Variants in SPOCK3 observed in about 807,000 individuals in gnomAD.
SPOCK3 encodes the protein testican-3.
A neutral mutation model predicts 56.6 loss-of-function variants in SPOCK3; 30 were observed. The observed-to-expected ratio is 0.53, with a 90% confidence interval of 0.40 to 0.72. The LOEUF (loss-of-function observed/expected upper bound fraction) is 0.72, where lower values mean the gene tolerates loss of function less well. Ranked by LOEUF, SPOCK3 falls within the 30% of genes least tolerant of loss-of-function variation. The pLI is 0.00. For synonymous variants in SPOCK3, 196 were observed against 183.3 expected (o/e 1.07, Z -0.56); for missense variants, 527 against 530.0 (o/e 0.99, Z 0.06).
chr4:167,001,153 G>A lies in SPOCK3; in HGVS notation c.236-690C>T, dbSNP rs144020400. ...GTAATTCACATACTACACAATTTGG[G>A]CAGTTAAGTTTACAACCAATATTTT... On this transcript the variant is annotated intron_variant, in intron 3 of 10. Coordinates refer to ENST00000357545, the MANE Select transcript of SPOCK3 (RefSeq NM_001040159.2). Among the ~76,000 whole-genome samples the A allele has an allele frequency of 2.1e-4, 32 of 152,110 alleles. 3 individuals are homozygous for A. The East Asian group carries it at 6.0e-3, about 28-fold the overall frequency.
At chr4:166,985,263 A>G (rs1307980685) in intron 4 of SPOCK3, among the ~76,000 whole-genome samples, 1 of 152,152 alleles carries the variant, frequency 6.6e-6, no homozygotes, top group Non-Finnish European at 1.5e-5. Context: ...CAGAATAGAA[A>G]TGTCTTTTCA....
intron 4 of SPOCK3, among the ~76,000 whole-genome samples, chr4:166,953,676 G>C (rs1258247038): frequency 6.6e-6 from 1 of 152,150 alleles, no homozygotes; most frequent in Non-Finnish European, 1.5e-5. Flanking sequence ...GAAAGACTTG[G>C]AACCAACCCA....
At chr4:166,936,359 T>C (rs994242180) in intron 4 of SPOCK3, among the ~76,000 whole-genome samples, 2 of 152,138 alleles carry the variant, frequency 1.3e-5, no homozygotes, top group Admixed American at 6.5e-5. Flanking sequence ...GAAGTATGTA[T>C]ACAATATTTG....
chr4:166,917,236 T>C (rs1045341209), intron 4 of SPOCK3, among the ~76,000 whole-genome samples: 2 of 152,218 alleles, frequency 1.3e-5, no homozygotes, highest in East Asian at 1.9e-4. Context: ...AATATTTTTC[T>C]TAAACCTTGT....
chr4:166,741,304 T>C (rs1404162068), intron 9 of SPOCK3, among the ~76,000 whole-genome samples: 2 of 152,228 alleles, frequency 1.3e-5, no homozygotes, highest in Non-Finnish European at 2.9e-5. Flanking sequence ...ATTTGGCACA[T>C]GCAAGACGTT....
At position 166,754,629 on chromosome 4, in the gene SPOCK3, G is replaced by T; in HGVS notation, c.810C>A (p.Leu270=). The change falls in exon 8 of 11, where the codon CTC becomes CTA. Residue 270 remains leucine, a synonymous_variant. Coordinates refer to ENST00000357545, the MANE Select transcript of SPOCK3 (RefSeq NM_001040159.2). ...CATTCTTATCAAGGTAAATGCTTCT[G>T]AGCTCTGACTGGTCCAATAGCAGGT... ...NYDLLLDQSE[L]RSIYLDKNEQ... is the part of the protein sequence containing the mutation. 6.2e-7 allele frequency: 1 copy of T among 1,613,724 alleles called. No individual in the cohort carries two copies. Among genetic ancestry groups the T allele is most frequent in the Non-Finnish European group, 8.5e-7 (1 of 1,179,794 alleles).
rs2111196663 is a variant in SPOCK3, at chr4:167,234,092, C to T, written c.82G>A (p.Ala28Thr). 6.2e-7 allele frequency: 1 copy of T among 1,613,926 alleles called. No homozygotes were observed. Among genetic ancestry groups the T allele is most frequent in the East Asian group, 2.2e-5 (1 of 44,848 alleles). The change falls in exon 2 of 11, where the codon GCA (alanine) becomes ACA (threonine). Residue 28 changes from alanine to threonine, a missense_variant. By Grantham distance (58) the Ala-to-Thr change is moderately conservative. Coordinates refer to ENST00000357545, the MANE Select transcript of SPOCK3 (RefSeq NM_001040159.2). ...QSLAAAAAVA[A>T]AGGRSDGGNF... is the part of the protein sequence containing the mutation. The stretch of plus-strand genomic sequence containing the variant: ...CCGCCGTCCGACCGCCCCCCGGCTG[C>T]AGCCACCGCCGCGGCAGCTGCGAGA...
At chr4:167,099,782 ACTGT>A (rs1424017844) in intron 2 of SPOCK3, among the ~76,000 whole-genome samples, 1 of 152,072 alleles carries the variant, frequency 6.6e-6, no homozygotes, top group Non-Finnish European at 1.5e-5. Context: ...CATGTCTGTC[ACTGT>A]CTGTAATTTT....
chr4:167,101,786 G>A (rs1180194662), intron 2 of SPOCK3, among the ~76,000 whole-genome samples: 10 of 145,222 alleles, frequency 6.9e-5, no homozygotes, highest in South Asian at 2.2e-4. Flanking sequence ...GCAGTGATGC[G>A]ATCTTGGCTC....
At chr4:166,794,402 T>A (rs1741683511) in intron 6 of SPOCK3, among the ~76,000 whole-genome samples, 1 of 151,892 alleles carries the variant, frequency 6.6e-6, no homozygotes, top group Admixed American at 6.6e-5. Flanking sequence ...GCGTCACATA[T>A]CTCTAGAAGG....
intron 2 of SPOCK3, among the ~76,000 whole-genome samples, chr4:167,149,217 C>T (rs1764209306): frequency 6.6e-6 from 1 of 152,040 alleles, no homozygotes; most frequent in African/African-American, 2.4e-5. Flanking sequence ...TTCTACATAG[C>T]AAATATATAT....
At chr4:166,816,113 T>C (rs539121823) in intron 6 of SPOCK3, among the ~76,000 whole-genome samples, 1 of 152,162 alleles carries the variant, frequency 6.6e-6, no homozygotes, top group South Asian at 2.1e-4. Context: ...TAATTTCTGG[T>C]TTAATTGCAG....
intron 4 of SPOCK3, among the ~76,000 whole-genome samples, chr4:166,913,384 T>C (rs1349838105): frequency 2.0e-5 from 3 of 152,158 alleles, no homozygotes; most frequent in Non-Finnish European, 2.9e-5. Context: ...CCCACTTTGG[T>C]TAAATTGCTT....
At chr4:166,848,494 G>C (rs1048461068) in intron 6 of SPOCK3, among the ~76,000 whole-genome samples, 1 of 152,280 alleles carries the variant, frequency 6.6e-6, no homozygotes, top group East Asian at 1.9e-4. Flanking sequence ...TCTTTTGCTG[G>C]ATGTACTAGG....
At chr4:167,001,146 A>C (rs139307405) in intron 3 of SPOCK3, among the ~76,000 whole-genome samples, 2 of 152,330 alleles carry the variant, frequency 1.3e-5, no homozygotes, top group African/African-American at 4.8e-5. Flanking sequence ...CATACTACAC[A>C]ATTTGGGCAG....
chr4:167,199,044 T>A (rs186604718), intron 2 of SPOCK3, among the ~76,000 whole-genome samples: 8 of 152,206 alleles, frequency 5.3e-5, no homozygotes, highest in Admixed American at 3.3e-4. Flanking sequence ...GATCACTATT[T>A]GTATAGACTC....
chr4:167,074,836 G>A (rs1757027130), intron 2 of SPOCK3, among the ~76,000 whole-genome samples: 1 of 151,866 alleles, frequency 6.6e-6, no homozygotes, highest in African/African-American at 2.4e-5. Context: ...CAAAGAAAGA[G>A]AGGTCAAATC....
At chr4:167,232,191 A>G (rs1452425840) in intron 2 of SPOCK3, among the ~76,000 whole-genome samples, 1 of 152,160 alleles carries the variant, frequency 6.6e-6, no homozygotes, top group African/African-American at 2.4e-5. Flanking sequence ...AAGTCCCTCA[A>G]TAATTTAATA....
At chr4:166,932,267 G>A (rs561422689) in intron 4 of SPOCK3, among the ~76,000 whole-genome samples, 4 of 152,194 alleles carry the variant, frequency 2.6e-5, no homozygotes, top group African/African-American at 7.2e-5. Context: ...GGAAATAATG[G>A]GAAAGTATCA....
Sources: allele counts gnomAD v4.1 joint callset (sites outside exome capture counted in the v4.1 genomes callset), GRCh38; gene constraint gnomAD v4.1.1; transcripts MANE v1.5; gene names NCBI Gene and HGNC (gene_info 2026-07-23, HGNC 2026-07-21).